Variants in MYO18B observed in about 807,000 individuals in gnomAD.
MYO18B encodes myosin XVIIIB, also known as unconventional myosin-XVIIIb.
Under a neutral mutation model 273.0 loss-of-function variants are expected in MYO18B, and 204 were observed. The observed-to-expected ratio is 0.75, with a 90% CI of 0.67 to 0.84. The LOEUF is 0.84. Among genes scored for constraint, MYO18B ranks in the 40% least tolerant of loss-of-function variants. The pLI, the probability that MYO18B is intolerant of heterozygous loss-of-function variation, is 0.00. For synonymous variants in MYO18B, 1,330 were observed against 1,305.7 expected (o/e 1.02, Z -0.40); for missense variants, 3,212 against 3,287.6 (o/e 0.98, Z 0.56).
intron 7 of MYO18B, 66 bp from the exon 8 acceptor site, chr22:25,777,517 G>T: frequency 7.0e-7 from 1 of 1,424,418 alleles, no homozygotes. Context: ...GGGGCGGGGC[G>T]CTGTCTTAGA....
At chr22:25,987,091 G>T (rs181606439) in intron 39 of MYO18B, among the ~76,000 whole-genome samples, 1 of 152,110 alleles carries the variant, frequency 6.6e-6, no homozygotes, top group African/African-American at 2.4e-5. Flanking sequence ...ACTTTGGGGG[G>T]CCTTGGGAGA....
At position 25,835,383 on chromosome 22, in the gene MYO18B, G is replaced by T. The variant is rs767998200; in HGVS notation, c.3148G>T (p.Asp1050Tyr). 1.2e-6 allele frequency: 2 copies of T among 1,614,014 alleles called. No homozygotes were observed. Among genetic ancestry groups the T allele is most frequent in the Non-Finnish European group, 1.7e-6 (2 of 1,179,890 alleles). Reference protein sequence around the residue: ...DEEVHVEGSSDSVVLERLCAA... With the variant: ...DEEVHVEGSSYSVVLERLCAA... The stretch of plus-strand genomic sequence containing the variant: ...GGAAGTCCATGTAGAGGGCTCCAGT[G>T]ACAGTGTGGTGCTCGAGCGTCTGTG... The change falls in exon 17 of 44, where the codon GAC becomes TAC. Residue 1050 changes from aspartate to tyrosine, a missense_variant. Asp to Tyr is a radical substitution (Grantham distance 160, BLOSUM62 -3). Coordinates refer to ENST00000335473, the MANE Select transcript of MYO18B (RefSeq NM_032608.7).
intron 25 of MYO18B, among the ~76,000 whole-genome samples, chr22:25,881,475 A>G (rs12483839): frequency 0.012 from 1,875 of 152,352 alleles, 138 homozygotes; most frequent in Admixed American, 0.11. Flanking sequence ...AGAACAGCAG[A>G]AGTGAAAAAT....
chr22:25,975,890 G>A (rs1042662058), intron 39 of MYO18B, among the ~76,000 whole-genome samples: 1 of 152,170 alleles, frequency 6.6e-6, no homozygotes, highest in Non-Finnish European at 1.5e-5. Context: ...AGTTATGAAA[G>A]GGTGAGGTTT....
chr22:25,915,729 A>G (rs928966211), intron 33 of MYO18B, among the ~76,000 whole-genome samples: 3 of 152,240 alleles, frequency 2.0e-5, no homozygotes, highest in Non-Finnish European at 4.4e-5. Flanking sequence ...TACTTAAGGT[A>G]TCCTGATATA....
At chr22:26,029,388 T>G (rs1463023932) in intron 43 of MYO18B, among the ~76,000 whole-genome samples, 1 of 152,174 alleles carries the variant, frequency 6.6e-6, no homozygotes, top group African/African-American at 2.4e-5. Context: ...GAGACAGGTT[T>G]GGACTCTATC....
At chr22:25,785,201 C>T (rs1051805994) in intron 10 of MYO18B, among the ~76,000 whole-genome samples, 2 of 152,190 alleles carry the variant, frequency 1.3e-5, no homozygotes, top group African/African-American at 4.8e-5. Flanking sequence ...ACCCTTTCTC[C>T]TGGGATTTCC....
At chr22:26,028,983 A>G (rs1471769506) in intron 43 of MYO18B, among the ~76,000 whole-genome samples, 1 of 152,186 alleles carries the variant, frequency 6.6e-6, no homozygotes, top group Admixed American at 6.5e-5. Context: ...GATATCCCCA[A>G]GCAGTGGTGA....
the MYO18B span, among the ~76,000 whole-genome samples, chr22:26,059,737 G>A: frequency 7.2e-4 from 110 of 152,310 alleles, 1 homozygote; most frequent in Non-Finnish European, 9.3e-4. Context: ...GACAGAATTA[G>A]CCTCTGCAAT....
intron 25 of MYO18B, among the ~76,000 whole-genome samples, chr22:25,878,872 C>T (rs971811501): frequency 1.3e-5 from 2 of 152,202 alleles, no homozygotes; most frequent in Non-Finnish European, 2.9e-5. Context: ...GCCATTCCAC[C>T]TCTAGGTATT....
At chr22:25,799,358 C>T (rs1273735376) in intron 12 of MYO18B, among the ~76,000 whole-genome samples, 2 of 152,172 alleles carry the variant, frequency 1.3e-5, no homozygotes, top group African/African-American at 4.8e-5. Flanking sequence ...ACCTCCTCAC[C>T]TCAAAAGCTG....
chr22:25,799,785 T>A (rs992117583), intron 12 of MYO18B, among the ~76,000 whole-genome samples: 8 of 152,098 alleles, frequency 5.3e-5, no homozygotes, highest in Admixed American at 4.6e-4. Context: ...GAGTCAGGAG[T>A]AAGTAAGATG....
rs1226285976 is a variant in MYO18B, at chr22:25,860,703, G to C, written c.3886-7617G>C. ...TGAGAACATATGTTATATGATTTCA[G>C]TACTTTTAAATTTATTTTTGTTTGT... On this transcript the variant is annotated intron_variant, in intron 21 of 43. Coordinates refer to ENST00000335473, the MANE Select transcript of MYO18B (RefSeq NM_032608.7). Among the ~76,000 whole-genome samples, 3 of 152,042 alleles carry C rather than the reference G, an allele frequency of 2.0e-5. No individual in the cohort carries two copies. In the East Asian group the frequency reaches 5.8e-4, roughly 29 times the overall value.
At chr22:26,037,135 C>T in the MYO18B span, among the ~76,000 whole-genome samples, 1 of 152,166 alleles carries the variant, frequency 6.6e-6, no homozygotes, top group East Asian at 1.9e-4. Flanking sequence ...CCTGGCTAAA[C>T]AAACCTGGGC....
At chr22:25,827,982 G>T (rs2145913986) in intron 14 of MYO18B, among the ~76,000 whole-genome samples, 1 of 152,288 alleles carries the variant, frequency 6.6e-6, no homozygotes, top group South Asian at 2.1e-4. Flanking sequence ...CCATTTTATA[G>T]TTGGAAAACC....
intron 1 of MYO18B, among the ~76,000 whole-genome samples, chr22:25,758,188 A>G (rs2086186208): frequency 6.6e-6 from 1 of 151,966 alleles, no homozygotes; most frequent in Non-Finnish European, 1.5e-5. Context: ...TAATATTTGT[A>G]TTTTTAGTAG....
At chr22:25,969,527 A>G (rs2146725800) in intron 39 of MYO18B, among the ~76,000 whole-genome samples, 1 of 152,384 alleles carries the variant, frequency 6.6e-6, no homozygotes, top group Admixed American at 6.5e-5. Context: ...CTTTGGGGCT[A>G]CAACAGCAGA....
At chr22:26,058,257 C>T in the MYO18B span, among the ~76,000 whole-genome samples, 10 of 152,076 alleles carry the variant, frequency 6.6e-5, no homozygotes, top group African/African-American at 1.4e-4. Context: ...TGATAACCTG[C>T]TCACAAAATC....
intron 39 of MYO18B, among the ~76,000 whole-genome samples, chr22:25,987,782 A>G (rs1463760185): frequency 6.6e-6 from 1 of 152,184 alleles, no homozygotes; most frequent in Non-Finnish European, 1.5e-5. Context: ...TGAATAATAT[A>G]TGAATATATA....
Sources: allele counts gnomAD v4.1 joint callset (sites outside exome capture counted in the v4.1 genomes callset), GRCh38; gene constraint gnomAD v4.1.1; transcripts MANE v1.5; gene names NCBI Gene and HGNC (gene_info 2026-07-23, HGNC 2026-07-21).